RMST: variants seen among roughly 807,000 people sequenced by gnomAD.
RMST encodes the protein rhabdomyosarcoma 2 associated transcript.
intron 10 of RMST, among the ~76,000 whole-genome samples, chr12:97,506,059 T>C (rs1878630096): frequency 6.6e-6 from 1 of 152,214 alleles, no homozygotes; most frequent in Admixed American, 6.5e-5. Context: ...GTAGCCATTA[T>C]AACTATTGTA....
intron 11 of RMST, among the ~76,000 whole-genome samples, chr12:97,553,157 GT>G (rs1278617684): frequency 6.6e-6 from 1 of 152,056 alleles, no homozygotes; most frequent in African/African-American, 2.4e-5. Flanking sequence ...ACCTATAATG[GT>G]TTATGTGCTA....
chr12:97,522,421 G>C (rs940633204), intron 10 of RMST, among the ~76,000 whole-genome samples: 1 of 152,132 alleles, frequency 6.6e-6, no homozygotes, highest in East Asian at 1.9e-4. Context: ...CACATAGGCC[G>C]TGTGGGTTGA....
intron 10 of RMST, among the ~76,000 whole-genome samples, chr12:97,498,293 C>A (rs1264996594): frequency 6.6e-6 from 1 of 151,994 alleles, no homozygotes; most frequent in Admixed American, 6.6e-5. Flanking sequence ...AAAATATTAC[C>A]AATTAAGTTT....
chr12:97,557,417 G>A (rs1369602122), intron 11 of RMST, among the ~76,000 whole-genome samples: 2 of 152,024 alleles, frequency 1.3e-5, no homozygotes, highest in Non-Finnish European at 2.9e-5. Context: ...GGGATTGGAA[G>A]GCAACAACTC....
intron 5 of RMST, among the ~76,000 whole-genome samples, chr12:97,476,643 T>C (rs538683109): frequency 1.3e-5 from 2 of 152,218 alleles, no homozygotes; most frequent in Non-Finnish European, 2.9e-5. Context: ...TGTTCATTCA[T>C]GTCCTCATGG....
At chr12:97,527,288 A>C (rs879893802) in intron 10 of RMST, among the ~76,000 whole-genome samples, 1 of 152,192 alleles carries the variant, frequency 6.6e-6, no homozygotes, top group Non-Finnish European at 1.5e-5. Context: ...GAATGTTTCC[A>C]AATCTAGATT....
chr12:97,528,076 GTTGT>G (rs1270150403), intron 10 of RMST, among the ~76,000 whole-genome samples: 29 of 152,170 alleles, frequency 1.9e-4, no homozygotes, highest in Admixed American at 1.4e-3. Context: ...AATTATTATT[GTTGT>G]TCCCATTTTA....
intron 5 of RMST, among the ~76,000 whole-genome samples, chr12:97,485,466 T>G: frequency 6.6e-6 from 1 of 152,220 alleles, no homozygotes; most frequent in Admixed American, 6.5e-5. Context: ...TTCCTAGTGT[T>G]AAGCAAATGT....
chr12:97,547,576 A>C (rs1264918225), intron 11 of RMST, among the ~76,000 whole-genome samples: 1 of 152,104 alleles, frequency 6.6e-6, no homozygotes, highest in African/African-American at 2.4e-5. Context: ...TCTTTCTGAT[A>C]ATAGCCACTA....
chr12:97,550,713 C>A (rs561779733), intron 11 of RMST, among the ~76,000 whole-genome samples: 2 of 152,246 alleles, frequency 1.3e-5, no homozygotes, highest in East Asian at 3.9e-4. Context: ...TTTGCAATCC[C>A]GTGCCACTAT....
chr12:97,517,045 A>G (rs1466366083), intron 10 of RMST, among the ~76,000 whole-genome samples: 1 of 151,980 alleles, frequency 6.6e-6, no homozygotes, highest in Non-Finnish European at 1.5e-5. Flanking sequence ...TATTATGTGT[A>G]TGTATTTATT....
intron 10 of RMST, among the ~76,000 whole-genome samples, chr12:97,514,522 A>G (rs578009897): frequency 6.6e-6 from 1 of 152,320 alleles, no homozygotes; most frequent in South Asian, 2.1e-4. Context: ...ATTAATTTCT[A>G]TGCCATATCT....
At chr12:97,470,930 A>G (rs1873836955) in intron 5 of RMST, among the ~76,000 whole-genome samples, 1 of 152,118 alleles carries the variant, frequency 6.6e-6, no homozygotes, top group African/African-American at 2.4e-5. Context: ...AGCCGAATTC[A>G]ACATTCAAAC....
At chr12:97,469,752 A>G (rs547891863) in intron 5 of RMST, among the ~76,000 whole-genome samples, 12 of 152,090 alleles carry the variant, frequency 7.9e-5, no homozygotes, top group Non-Finnish European at 1.5e-4. Flanking sequence ...AGAATAAAGC[A>G]GTGGATAGAA....
intron 10 of RMST, among the ~76,000 whole-genome samples, chr12:97,515,852 A>T (rs1879874027): frequency 6.6e-6 from 1 of 152,076 alleles, no homozygotes; most frequent in South Asian, 2.1e-4. Flanking sequence ...TTATGAAGAA[A>T]AATGACCATG....
intron 11 of RMST, among the ~76,000 whole-genome samples, chr12:97,547,059 G>A (rs958014129): frequency 6.6e-6 from 1 of 151,658 alleles, no homozygotes; most frequent in Non-Finnish European, 1.5e-5. Context: ...TTGTCTTTCT[G>A]TGCCTGGCTT....
intron 10 of RMST, among the ~76,000 whole-genome samples, chr12:97,499,281 T>C (rs1877801945): frequency 6.6e-6 from 1 of 152,216 alleles, no homozygotes. Context: ...CATATACTCG[T>C]TCTTGCTTGT....
At chr12:97,563,257 T>A (rs1884264428) in intron 13 of RMST, 1 of 154,898 alleles carries the variant, frequency 6.5e-6, no homozygotes, top group African/African-American at 2.4e-5. Flanking sequence ...AGGCTGTAGG[T>A]GAGCAGTTAG....
chr12:97,495,651 C>T (rs1221150075), intron 9 of RMST, among the ~76,000 whole-genome samples: 2 of 152,048 alleles, frequency 1.3e-5, no homozygotes, highest in Non-Finnish European at 2.9e-5. Flanking sequence ...GCCATTCTCT[C>T]TTTGGGTTAA....
Sources: allele counts gnomAD v4.1 joint callset (sites outside exome capture counted in the v4.1 genomes callset), GRCh38; gene constraint gnomAD v4.1.1; transcripts MANE v1.5; gene names NCBI Gene and HGNC (gene_info 2026-07-23, HGNC 2026-07-21).